CDH4: variants seen among roughly 807,000 people sequenced by gnomAD.
The protein encoded by CDH4 is cadherin 4, also known as cadherin-4.
Under a neutral mutation model 86.0 loss-of-function variants are expected in CDH4, and 33 were observed. That is an observed-to-expected ratio of 0.38 (90% CI 0.29 to 0.51). The LOEUF (loss-of-function observed/expected upper bound fraction) is 0.51. CDH4 is among the 20% of genes least tolerant of loss of function. The pLI, the probability that CDH4 is intolerant of heterozygous loss-of-function variation, is 0.86. For synonymous variants in CDH4, 555 were observed against 549.4 expected, an observed-to-expected ratio of 1.01 and a Z score of -0.14; for missense variants, 1,114 against 1,307.4, an observed-to-expected ratio of 0.85 and a Z score of 2.28.
At chr20:61,520,722 G>T (rs187918078) in intron 2 of CDH4, among the ~76,000 whole-genome samples, 137 of 152,286 alleles carry the variant, frequency 9.0e-4, no homozygotes, top group Non-Finnish European at 1.4e-3. Context: ...AAATCAGAGT[G>T]CACGCCAAGG....
chr20:61,565,204 C>CTCTTGGTGATGGTGGTG (rs1568688378), intron 2 of CDH4, among the ~76,000 whole-genome samples: 1 of 50,284 alleles, frequency 2.0e-5, no homozygotes, highest in Non-Finnish European at 3.6e-5. Context: ...TGGTGGTGGT[C>CTCTTGGTGATGGTGGTG]GCGGTGCTCT....
At chr20:61,451,123 C>CG (rs1568849718) in intron 2 of CDH4, among the ~76,000 whole-genome samples, 1 of 73,138 alleles carries the variant, frequency 1.4e-5, no homozygotes, top group Admixed American at 1.5e-4. Context: ...CCCTCTCACG[C>CG]CCCCCCCCTT....
chr20:61,335,060 C>A (rs1278971065), intron 2 of CDH4, among the ~76,000 whole-genome samples: 1 of 152,216 alleles, frequency 6.6e-6, no homozygotes, highest in Non-Finnish European at 1.5e-5. Context: ...TACAAGACAT[C>A]CAGCGAGTCT....
In CDH4 at chr20:61,467,020, T is replaced by C. The variant is rs569609036; in HGVS notation, c.169+212083T>C. Among the ~76,000 whole-genome samples, 23 of 152,380 alleles carry C rather than the reference T, an allele frequency of 1.5e-4. 2 individuals are homozygous for C. In the South Asian group the frequency reaches 4.8e-3, roughly 32 times the overall value. On this transcript the variant is annotated intron_variant, in intron 2 of 15. Transcript: ENST00000614565. ...AAAGCAGTGGTGTTCTCACTGGTTT[T>C]AATATTTGCCATTTTATGTGTGTTC...
intron 2 of CDH4, among the ~76,000 whole-genome samples, chr20:61,312,036 TTGTG>T (rs140388900): frequency 0.021 from 3,123 of 152,232 alleles, 91 homozygotes; most frequent in East Asian, 0.13. Context: ...TGCATGGGTG[TTGTG>T]TGTGAGACTG....
At chr20:61,841,354 C>A (rs1432791450) in intron 4 of CDH4, among the ~76,000 whole-genome samples, 1 of 152,226 alleles carries the variant, frequency 6.6e-6, no homozygotes, top group African/African-American at 2.4e-5. Flanking sequence ...TCTCCCACCC[C>A]CGAGGAACAA....
chr20:61,312,244 G>T (rs956633031), intron 2 of CDH4, among the ~76,000 whole-genome samples: 1 of 150,206 alleles, frequency 6.7e-6, no homozygotes, highest in Non-Finnish European at 1.5e-5. Flanking sequence ...CATGTGTGTG[G>T]TGTGTGTGTA....
intron 2 of CDH4, among the ~76,000 whole-genome samples, chr20:61,310,314 G>A (rs553652772): frequency 2.6e-5 from 4 of 152,312 alleles, no homozygotes; most frequent in African/African-American, 9.6e-5. Flanking sequence ...CACAAACCAG[G>A]TGGCTTCAAC....
At chr20:61,726,113 G>A (rs1281349042) in intron 2 of CDH4, among the ~76,000 whole-genome samples, 1 of 152,060 alleles carries the variant, frequency 6.6e-6, no homozygotes, top group Non-Finnish European at 1.5e-5. Context: ...GGAGAGCATG[G>A]CATGGGGATA....
At chr20:61,333,640 C>T (rs910293358) in intron 2 of CDH4, among the ~76,000 whole-genome samples, 1 of 152,366 alleles carries the variant, frequency 6.6e-6, no homozygotes, top group Middle Eastern at 3.4e-3. Flanking sequence ...GAGCCCTTAC[C>T]CCGGGCCACA....
intron 2 of CDH4, among the ~76,000 whole-genome samples, chr20:61,633,726 T>C (rs905821097): frequency 2.0e-5 from 3 of 152,206 alleles, no homozygotes; most frequent in Admixed American, 6.5e-5. Flanking sequence ...ACCTGCCTCT[T>C]GGGGTTTTGG....
chr20:61,647,781 T>C (rs1056381139), intron 2 of CDH4, among the ~76,000 whole-genome samples: 3 of 152,130 alleles, frequency 2.0e-5, no homozygotes, highest in African/African-American at 7.2e-5. Context: ...GACCCATCTA[T>C]TGCCTCTGAA....
intron 2 of CDH4, among the ~76,000 whole-genome samples, chr20:61,447,261 A>G (rs1430319782): frequency 6.6e-6 from 1 of 151,162 alleles, no homozygotes; most frequent in East Asian, 1.9e-4. Flanking sequence ...GGTTCAAGCA[A>G]TTCTCCTGCC....
At chr20:61,679,982 C>A (rs1297072135) in intron 2 of CDH4, among the ~76,000 whole-genome samples, 2 of 152,106 alleles carry the variant, frequency 1.3e-5, no homozygotes, top group South Asian at 2.1e-4. Context: ...GACCCTCGTA[C>A]CCGAGTGAAG....
rs749475086 is a variant in CDH4 at position 61,576,855 on chromosome 20, AC to A, written c.170-166706del. ...ACAGTTTGTTTGGAAGACTGAAAAC[AC>A]CAATCCACAGTTAGCCCCATTAATC... On this transcript the variant is annotated intron_variant, in intron 2 of 15. Coordinates refer to ENST00000614565, the MANE Select transcript of CDH4 (RefSeq NM_001794.5). Among the ~76,000 whole-genome samples the A allele has an allele frequency of 6.7e-4, 102 of 152,344 alleles. 1 individual carries two copies. The highest frequency in any genetic ancestry group is 1.4e-3 in the Non-Finnish European group (92 of 68,038).
At chr20:61,604,606 G>C (rs1169346135) in intron 2 of CDH4, among the ~76,000 whole-genome samples, 1 of 152,094 alleles carries the variant, frequency 6.6e-6, no homozygotes, top group East Asian at 1.9e-4. Flanking sequence ...GGGTGCCCTG[G>C]CTTGGGAGGT....
intron 2 of CDH4, among the ~76,000 whole-genome samples, chr20:61,725,536 G>A (rs1023904749): frequency 3.3e-5 from 5 of 152,156 alleles, no homozygotes; most frequent in African/African-American, 1.2e-4. Context: ...GCTTTGAGAG[G>A]AAAAGGAAAT....
intron 2 of CDH4, among the ~76,000 whole-genome samples, chr20:61,372,218 G>A (rs1023272620): frequency 1.4e-4 from 21 of 152,196 alleles, no homozygotes; most frequent in East Asian, 5.8e-4. Context: ...TGGCCCAGCC[G>A]TTGTCTGTGG....
intron 3 of CDH4, among the ~76,000 whole-genome samples, chr20:61,751,289 A>C (rs534783058): frequency 6.6e-6 from 1 of 152,284 alleles, no homozygotes; most frequent in East Asian, 1.9e-4. Context: ...TAACCTCCAT[A>C]TGCAACCAAA....
Sources: gnomAD v4.1 joint callset for allele counts (sites outside exome capture counted in the v4.1 genomes callset) on GRCh38, gnomAD v4.1.1 for gene constraint, MANE v1.5 for transcripts, NCBI Gene and HGNC (gene_info 2026-07-23, HGNC 2026-07-21) for gene names.